Variants in CLVS1 observed in about 807,000 individuals in gnomAD.
CLVS1 encodes the protein clavesin-1.
Under a neutral mutation model 33.1 loss-of-function variants are expected in CLVS1, and 10 were observed. That is an observed-to-expected ratio of 0.30 (90% CI 0.19 to 0.51). The LOEUF (loss-of-function observed/expected upper bound fraction) is 0.51, where lower values mean the gene tolerates loss of function less well. CLVS1 is among the 20% of genes least tolerant of loss of function. CLVS1 has a pLI of 0.97. For missense variants in CLVS1, 343 were observed against 433.4 expected (o/e 0.79, Z 1.85); for synonymous variants, 163 against 166.1 (o/e 0.98, Z 0.14).
intron 2 of CLVS1, among the ~76,000 whole-genome samples, chr8:61,328,420 G>C (rs1811463888): frequency 6.6e-6 from 1 of 152,174 alleles, no homozygotes; most frequent in African/African-American, 2.4e-5. Context: ...GGACACACAG[G>C]ATGGGCAGGA....
the CLVS1 span, among the ~76,000 whole-genome samples, chr8:61,002,877 A>G: frequency 6.6e-6 from 1 of 152,190 alleles, no homozygotes; most frequent in Non-Finnish European, 1.5e-5. Context: ...GGAAATAAGA[A>G]GGCAGGGCCT....
intron 2 of CLVS1, among the ~76,000 whole-genome samples, chr8:61,212,376 G>A (rs370985673): frequency 6.6e-6 from 1 of 152,192 alleles, no homozygotes; most frequent in Non-Finnish European, 1.5e-5. Flanking sequence ...CTAGCGTCAG[G>A]AGTGTGCAGG....
At chr8:61,191,076 A>G (rs1361875202) in intron 2 of CLVS1, among the ~76,000 whole-genome samples, 2 of 152,170 alleles carry the variant, frequency 1.3e-5, no homozygotes, top group Non-Finnish European at 2.9e-5. Flanking sequence ...AACAAAAAAA[A>G]GAGAATTTTA....
chr8:61,369,307 A>G (rs78190006), intron 2 of CLVS1, among the ~76,000 whole-genome samples: 4,953 of 152,298 alleles, frequency 0.033, 88 homozygotes, highest in Admixed American at 0.042. Flanking sequence ...TATTTTCAGA[A>G]CACAATTTTT....
At chr8:61,155,257 C>T (rs776092530) in intron 2 of CLVS1, among the ~76,000 whole-genome samples, 6 of 152,236 alleles carry the variant, frequency 3.9e-5, no homozygotes, top group Non-Finnish European at 8.8e-5. Flanking sequence ...GTCTTGATTA[C>T]TTGCAAGTAT....
chr8:61,453,510 A>G (rs979472713), intron 3 of CLVS1, among the ~76,000 whole-genome samples: 6 of 152,184 alleles, frequency 3.9e-5, no homozygotes, highest in African/African-American at 1.4e-4. Context: ...CCATTAATCA[A>G]CAAGTATCTT....
the CLVS1 span, among the ~76,000 whole-genome samples, chr8:60,987,263 A>G: frequency 1.3e-5 from 2 of 152,222 alleles, no homozygotes; most frequent in South Asian, 4.1e-4. Context: ...TGGCTTCCTG[A>G]TGGAAATGAT....
rs148030465 is a variant in CLVS1 at position 61,439,302 on chromosome 8, A to AATGAAG, written c.631-14838_631-14833dup. Among the ~76,000 whole-genome samples the AATGAAG allele has an allele frequency of 4.0e-3, 605 of 152,354 alleles. 2 individuals carry two copies. Among genetic ancestry groups the AATGAAG allele is most frequent in the African/African-American group, 0.013 (551 of 41,580 alleles). On this transcript the variant is annotated intron_variant, in intron 3 of 5. Transcript: ENST00000325897. ...ACTTAGGGGCCCTCAGGGAAACTTG[A>AATGAAG]ATGAAGTATTTTGTACTAACCATAA...
At chr8:61,379,496 T>G (rs1213421380) in intron 3 of CLVS1, among the ~76,000 whole-genome samples, 1 of 152,038 alleles carries the variant, frequency 6.6e-6, no homozygotes, top group Non-Finnish European at 1.5e-5. Context: ...AAGGTCATTC[T>G]GGGTCAATCC....
intron 1 of CLVS1, among the ~76,000 whole-genome samples, chr8:61,058,993 C>T (rs1804529469): frequency 6.6e-6 from 1 of 152,092 alleles, no homozygotes; most frequent in Non-Finnish European, 1.5e-5. Context: ...ACAAATAGAG[C>T]TTCAATGAAC....
At chr8:61,011,265 C>G in the CLVS1 span, among the ~76,000 whole-genome samples, 1 of 152,090 alleles carries the variant, frequency 6.6e-6, no homozygotes, top group African/African-American at 2.4e-5. Context: ...GACCCTATCT[C>G]TTAAAAAGAA....
intron 1 of CLVS1, among the ~76,000 whole-genome samples, chr8:61,087,101 C>T (rs1263690164): frequency 6.6e-6 from 1 of 152,178 alleles, no homozygotes; most frequent in African/African-American, 2.4e-5. Flanking sequence ...GCTCCGAAAT[C>T]AAGAAGGAAA....
At position 61,464,466 on chromosome 8, in the gene CLVS1, T is replaced by A. The variant is rs183278002; in HGVS notation, c.977+5924T>A. 5.3e-5 allele frequency: 8 copies of A among 152,342 alleles called. 1 individual carries two copies. The South Asian group carries it at 8.3e-4, about 16-fold the overall frequency. 9.4% of individuals were successfully genotyped at this position (152,342 alleles called of 1,614,324 possible). A position where few individuals can be genotyped will look rare whatever the true frequency, so the allele number is the denominator to read the frequency against. On this transcript the variant is annotated intron_variant, in intron 5 of 5. Transcript: ENST00000325897. ...TGGTTCTTGCTTGTAGAATCTTTCA[T>A]CCAGGTAGGAAAGAGAAAACGTGCC... is the stretch of plus-strand genomic sequence containing the variant.
chr8:60,973,534 A>G, the CLVS1 span, among the ~76,000 whole-genome samples: 3 of 152,238 alleles, frequency 2.0e-5, no homozygotes, highest in Non-Finnish European at 2.9e-5. Context: ...AAGAGACCGA[A>G]GCAAGTTTTA....
In CLVS1 at chr8:61,439,406, GC is replaced by G. The variant is rs578241390; in HGVS notation, c.631-14734del. On this transcript the variant is annotated intron_variant, in intron 3 of 5. Transcript: ENST00000325897. ...AGAGAAGTTGGAAGTGATTTTTATGGCAAATTAAGTTTCCATTGTTTGAACT... is the reference window on the plus strand; with the variant it reads ...AGAGAAGTTGGAAGTGATTTTTATGGAAATTAAGTTTCCATTGTTTGAACT... Among the ~76,000 whole-genome samples, 3 of 152,272 alleles carry G rather than the reference GC, an allele frequency of 2.0e-5. No homozygotes were observed. The East Asian group carries it at 5.8e-4, about 29-fold the overall frequency.
At chr8:61,349,329 T>C (rs573015341) in intron 2 of CLVS1, among the ~76,000 whole-genome samples, 23 of 152,220 alleles carry the variant, frequency 1.5e-4, no homozygotes, top group Admixed American at 6.6e-4. Flanking sequence ...TAATTTGTAG[T>C]TGTCAATTAA....
chr8:61,305,052 C>T (rs1307605394), intron 2 of CLVS1, among the ~76,000 whole-genome samples: 1 of 151,974 alleles, frequency 6.6e-6, no homozygotes, highest in African/African-American at 2.4e-5. Context: ...TTGCTTAAAT[C>T]CTTATTACCC....
chr8:61,015,975 G>A, the CLVS1 span, among the ~76,000 whole-genome samples: 1 of 152,106 alleles, frequency 6.6e-6, no homozygotes, highest in East Asian at 1.9e-4. Context: ...GGAAATACAG[G>A]TTGAGCATGC....
chr8:61,081,113 T>C (rs911381901), intron 1 of CLVS1, among the ~76,000 whole-genome samples: 6 of 152,104 alleles, frequency 3.9e-5, no homozygotes, highest in African/African-American at 1.4e-4. Flanking sequence ...TGTATTTAAT[T>C]TGGAAAGAAT....
Sources: allele counts gnomAD v4.1 joint callset (sites outside exome capture counted in the v4.1 genomes callset), GRCh38; gene constraint gnomAD v4.1.1; transcripts MANE v1.5; gene names NCBI Gene and HGNC (gene_info 2026-07-23, HGNC 2026-07-21).